The following ZNF432 variants were observed in gnomAD, a reference collection of about 807,000 sequenced individuals.
ZNF432 encodes zinc finger protein 432.
In ZNF432, 10 loss-of-function variants were observed where a neutral mutation model predicts 13.9. That is an observed-to-expected ratio of 0.72 (90% CI 0.44 to 1.22). The LOEUF (loss-of-function observed/expected upper bound fraction) is 1.22, where lower values mean the gene tolerates loss of function less well. Ranked by LOEUF, ZNF432 falls within the 50% of genes most tolerant of loss-of-function variation. The pLI is 0.00. For missense variants in ZNF432, 793 were observed against 796.2 expected (o/e 1.00, Z 0.05); for synonymous variants, 247 against 256.2 (o/e 0.96, Z 0.34).
At chr19:52,039,969 CTG>C (rs764448208) in intron 4 of ZNF432, among the ~76,000 whole-genome samples, 2 of 151,096 alleles carry the variant, frequency 1.3e-5, no homozygotes. Flanking sequence ...GGTTACATAA[CTG>C]TTCATACACT....
intron 2 of ZNF432, among the ~76,000 whole-genome samples, chr19:52,042,408 G>A (rs1247215873): frequency 6.6e-6 from 1 of 152,078 alleles, no homozygotes; most frequent in African/African-American, 2.4e-5. Flanking sequence ...AATTAACCAG[G>A]TGCGGTGGCA....
At chr19:52,048,452 T>TGAC (rs1568525550) in intron 1 of ZNF432, 2 of 152,146 alleles carry the variant, frequency 1.3e-5, no homozygotes, top group Non-Finnish European at 2.9e-5. Context: ...ACCTCAGTAC[T>TGAC]CTTGGTCGTT....
At chr19:52,041,337 G>A (rs987630213) in intron 3 of ZNF432, 143 bp downstream of exon 3, 33 of 1,049,646 alleles carry the variant, frequency 3.1e-5, no homozygotes, top group Middle Eastern at 2.9e-4. Context: ...GAGGGGTGAC[G>A]GTATATCCTT....
intron 4 of ZNF432, among the ~76,000 whole-genome samples, chr19:52,039,842 AAAAAG>A (rs1321126170): frequency 2.0e-5 from 3 of 150,980 alleles, no homozygotes; most frequent in East Asian, 1.9e-4. Flanking sequence ...AAAAAAAAAA[AAAAAG>A]AAAAGAAAAG....
At chr19:52,043,583 G>T (rs1402668101) in intron 2 of ZNF432, among the ~76,000 whole-genome samples, 3 of 152,038 alleles carry the variant, frequency 2.0e-5, no homozygotes, top group African/African-American at 4.8e-5. Flanking sequence ...ATTAGTATAA[G>T]AGGAAGGCAT....
chr19:52,034,491 TG>T lies in ZNF432; in HGVS notation c.1187del (p.Thr396LysfsTer30), dbSNP rs1793670589. On this transcript the variant is annotated frameshift_variant, in exon 5 of 5. Transcript: ENST00000221315. LOFTEE classifies it low-confidence loss of function (END_TRUNC). ...CACTGCATATGTAGGGTTTCTCTCC[TG>T]TATGAGTTCGTTGATGTTCGATCAT... ...SRMIEHQRTHTGEKPYICSEC... is the reference protein window; with the variant it reads ...SRMIEHQRTHXGEKPYICSEC... 6.2e-7 allele frequency: 1 copy of T among 1,612,958 alleles called. No individual in the cohort carries two copies. The highest frequency in any genetic ancestry group is 8.5e-7 in the Non-Finnish European group (1 of 1,179,750).
Position 52,033,402 on chromosome 19 carries a change from G to T in ZNF432, c.*318C>A. The T allele has an allele frequency of 3.5e-6, 1 of 288,102 alleles. No individual in the cohort carries two copies. The allele number at this position is 288,102 out of a possible 1,614,324, so 17.8% of individuals were successfully genotyped here. ...AATCAGTTCAGATTCTCTGCAAAAG[G>T]ACTATGTACCTTACACATTTGTCAT... On this transcript the variant is annotated 3_prime_UTR_variant, in exon 5 of 5. Transcript: ENST00000221315.
At chr19:52,044,231 A>C (rs1012578846) in intron 2 of ZNF432, among the ~76,000 whole-genome samples, 3 of 152,158 alleles carry the variant, frequency 2.0e-5, no homozygotes. Flanking sequence ...TTCACACGAG[A>C]AATAAATCTG....
Position 52,034,403 on chromosome 19 carries a change from C to A in ZNF432, c.1276G>T (p.Glu426Ter). The change falls in exon 5 of 5, where the codon GAG (glutamate) becomes TAG (stop). Residue 426 changes from glutamate to a stop codon, truncating the protein, a stop_gained. Transcript: ENST00000221315. LOFTEE classifies it low-confidence loss of function (END_TRUNC). ...CATTCACTACATAGATATGACTTCT[C>A]TACTGTATGATTTCTCTGATGTACA... ...LIVHQRNHTVEKSYLCSECGK... is the reference protein window; with the variant it reads ...LIVHQRNHTV The A allele has an allele frequency of 6.2e-7, 1 of 1,613,960 alleles. No individual in the cohort carries two copies. Among genetic ancestry groups the A allele is most frequent in the East Asian group, 2.2e-5 (1 of 44,862 alleles).
In ZNF432 at chr19:52,041,505, C is replaced by T; in HGVS notation, c.117G>A (p.Glu39=). The change falls in exon 3 of 5, where the codon GAG becomes GAA. Residue 39 remains glutamate, a synonymous_variant. Coordinates refer to ENST00000221315, the MANE Select transcript of ZNF432 (RefSeq NM_014650.4). ...QKDLYRDVML[E]IYSNLLSMGY... Reference sequence around the variant, plus strand: ...CCATTGATAGCAGGTTGCTGTAGATCTCCAACATCACATCCCGGTACAAAT... The same window carrying T: ...CCATTGATAGCAGGTTGCTGTAGATTTCCAACATCACATCCCGGTACAAAT... The T allele has an allele frequency of 6.2e-7, 1 of 1,608,596 alleles. No homozygotes were observed. The highest frequency in any genetic ancestry group is 8.5e-7 in the Non-Finnish European group (1 of 1,176,750).
intron 4 of ZNF432, among the ~76,000 whole-genome samples, chr19:52,035,810 G>A (rs1428299431): frequency 6.6e-6 from 1 of 152,150 alleles, no homozygotes; most frequent in Non-Finnish European, 1.5e-5. Flanking sequence ...TGGGATTACA[G>A]GCATGAGCTA....
intron 4 of ZNF432, among the ~76,000 whole-genome samples, chr19:52,040,197 A>C (rs1568522504): frequency 6.6e-6 from 1 of 152,244 alleles, no homozygotes; most frequent in Non-Finnish European, 1.5e-5. Flanking sequence ...TCTAGAACTG[A>C]TGTAGGACAT....
chr19:52,034,816 G>C lies in ZNF432; in HGVS notation c.863C>G (p.Pro288Arg), dbSNP rs1221558394. Residue 288 changes from proline (P) to arginine (R), a missense_variant, in exon 5 of 5, where the codon CCC becomes CGC. Coordinates refer to ENST00000221315, the MANE Select transcript of ZNF432 (RefSeq NM_014650.4). ...EHQRTHTGEK[P>R]YICNECGKGF... ...TTTTCCACATTCATTGCATATGTAGGGTTTCTCTCCAGTATGAGTTCGCTG... is the reference window on the plus strand; with the variant it reads ...TTTTCCACATTCATTGCATATGTAGCGTTTCTCTCCAGTATGAGTTCGCTG... 1.2e-6 allele frequency: 2 copies of C among 1,613,046 alleles called. No homozygotes were observed. Among genetic ancestry groups the C allele is most frequent in the South Asian group, 1.1e-5 (1 of 90,882 alleles).
intron 2 of ZNF432, among the ~76,000 whole-genome samples, chr19:52,044,934 C>T (rs912862830): frequency 6.6e-6 from 1 of 152,184 alleles, no homozygotes; most frequent in African/African-American, 2.4e-5. Flanking sequence ...AATCTTTTGG[C>T]TTCCCTGGGC....
intron 4 of ZNF432, among the ~76,000 whole-genome samples, chr19:52,039,828 C>CAAAAAAAAAAAAAAAA (rs562794463): frequency 1.9e-5 from 1 of 52,338 alleles, no homozygotes; most frequent in Non-Finnish European, 4.1e-5. Context: ...GACTCCATCT[C>CAAAAAAAAAAAAAAAA]AAAAAAAAAA....
rs779243901 is a variant in ZNF432, at chr19:52,040,524, T to G, written c.202A>C (p.Thr68Pro). The G allele has an allele frequency of 1.2e-6, 2 of 1,614,054 alleles. No individual in the cohort carries two copies. Among genetic ancestry groups the G allele is most frequent in the Non-Finnish European group, 1.7e-6 (2 of 1,180,022 alleles). ...CGACTGTGCCTTTCATCTTCCATTG[T>G]CCATGGTTCTTCTCCTCGTTCCAAC... is the stretch of plus-strand genomic sequence containing the variant. ...SKLERGEEPW[T>P]MEDERHSRIC... Residue 68 changes from threonine (T) to proline (P), a missense_variant, in exon 4 of 5, where the codon ACA becomes CCA. Physicochemically the swap from Thr to Pro is conservative, Grantham distance 38 (BLOSUM62 -1). Transcript: ENST00000221315.
intron 1 of ZNF432, among the ~76,000 whole-genome samples, chr19:52,048,128 A>AACACACACACACAC (rs3138637): frequency 0.042 from 4,349 of 103,298 alleles, 289 homozygotes; most frequent in Non-Finnish European, 0.052. Context: ...GTTTGAGCTC[A>AACACACACACACAC]ACACACACAC....
intron 2 of ZNF432, among the ~76,000 whole-genome samples, chr19:52,044,564 C>G (rs1374348665): frequency 6.6e-6 from 1 of 151,874 alleles, no homozygotes; most frequent in Non-Finnish European, 1.5e-5. Context: ...ATGTAAAAAT[C>G]ATAAAGTCAG....
rs1356549927 is a variant in ZNF432, at chr19:52,035,329, G to T, written c.350C>A (p.Thr117Asn). ...HNAFGNTASQ[T>N]KSLCLFRENH... is the part of the protein sequence containing the mutation. ...TTCCCTGAAAAGACAAAGGCTTTTG[G>T]TTTGAGAGGCAGTATTTCCAAATGC... is the stretch of plus-strand genomic sequence containing the variant. Residue 117 changes from threonine (T) to asparagine (N), a missense_variant, in exon 5 of 5, where the codon ACC becomes AAC. Thr to Asn is a moderately conservative substitution (Grantham distance 65, BLOSUM62 0). Transcript: ENST00000221315. The T allele has an allele frequency of 6.2e-7, 1 of 1,612,570 alleles. No individual in the cohort carries two copies. The highest frequency in any genetic ancestry group is 1.1e-5 in the South Asian group (1 of 90,536).
Sources: gnomAD v4.1 joint callset for allele counts (sites outside exome capture counted in the v4.1 genomes callset) on GRCh38, gnomAD v4.1.1 for gene constraint, MANE v1.5 for transcripts, NCBI Gene and HGNC (gene_info 2026-07-23, HGNC 2026-07-21) for gene names.